The following NEGR1 variants were observed in gnomAD, a reference collection of about 807,000 sequenced individuals.
NEGR1 encodes IgLON family member 4.
A neutral mutation model predicts 40.9 loss-of-function variants in NEGR1; 10 were observed. The ratio of observed to expected loss-of-function variants is 0.24; its 90% CI spans 0.15 to 0.42. The LOEUF is 0.42. Ranked by LOEUF, NEGR1 falls within the 10% of genes least tolerant of loss-of-function variation. NEGR1 has a pLI of 1.00. For synonymous variants in NEGR1, 185 were observed against 166.8 expected (o/e 1.11, Z -0.84); for missense variants, 352 against 438.9 (o/e 0.80, Z 1.77).
intron 1 of NEGR1, among the ~76,000 whole-genome samples, chr1:71,957,828 C>A (rs936429905): frequency 1.3e-5 from 2 of 152,218 alleles, no homozygotes; most frequent in African/African-American, 2.4e-5. Context: ...GAATTAATGA[C>A]ATTTTATAAT....
At chr1:72,264,480 G>A (rs759354167) in intron 1 of NEGR1, among the ~76,000 whole-genome samples, 92 of 150,326 alleles carry the variant, frequency 6.1e-4, no homozygotes, top group Non-Finnish European at 8.5e-4. Flanking sequence ...TTATTTAGTC[G>A]CATTAAATAG....
At chr1:71,938,377 T>C (rs897004845) in intron 1 of NEGR1, among the ~76,000 whole-genome samples, 3 of 146,858 alleles carry the variant, frequency 2.0e-5, no homozygotes, top group East Asian at 4.1e-4. Context: ...CATACACACA[T>C]ACACACACAC....
chr1:71,846,960 C>T (rs652213), intron 2 of NEGR1, among the ~76,000 whole-genome samples: 68,877 of 151,974 alleles, frequency 0.45, 15,773 homozygotes, highest in East Asian at 0.62. Context: ...AATTTTCAGA[C>T]CATAGCACAT....
At chr1:71,980,977 A>G (rs1232060079) in intron 1 of NEGR1, among the ~76,000 whole-genome samples, 1 of 152,096 alleles carries the variant, frequency 6.6e-6, no homozygotes, top group Non-Finnish European at 1.5e-5. Flanking sequence ...TCTGAAATCC[A>G]GTTATGTTTC....
intron 1 of NEGR1, among the ~76,000 whole-genome samples, chr1:72,235,541 G>A (rs1053371359): frequency 6.6e-6 from 1 of 151,922 alleles, no homozygotes; most frequent in Non-Finnish European, 1.5e-5. Flanking sequence ...TAAACAATGT[G>A]TAAAACAATT....
intron 4 of NEGR1, among the ~76,000 whole-genome samples, chr1:71,613,350 A>C (rs1273427338): frequency 2.6e-5 from 4 of 152,198 alleles, no homozygotes; most frequent in Non-Finnish European, 5.9e-5. Context: ...CAGTAAATAG[A>C]AGAATTTTGG....
intron 1 of NEGR1, among the ~76,000 whole-genome samples, chr1:72,083,283 T>G (rs1454499291): frequency 6.6e-6 from 1 of 151,900 alleles, no homozygotes; most frequent in Non-Finnish European, 1.5e-5. Context: ...CTTCCCTCCC[T>G]CCCTCGCTCA....
At chr1:72,087,110 T>C (rs1393562750) in intron 1 of NEGR1, among the ~76,000 whole-genome samples, 2 of 152,098 alleles carry the variant, frequency 1.3e-5, no homozygotes, top group Admixed American at 1.3e-4. Context: ...ATTCTATAAC[T>C]CTACAATTAC....
At chr1:71,828,038 G>C (rs1292214483) in intron 2 of NEGR1, among the ~76,000 whole-genome samples, 1 of 151,876 alleles carries the variant, frequency 6.6e-6, no homozygotes, top group Non-Finnish European at 1.5e-5. Flanking sequence ...AGCAGCATTT[G>C]CTTTTAAAGC....
At chr1:71,579,911 T>C (rs1011521011) in intron 6 of NEGR1, among the ~76,000 whole-genome samples, 14 of 152,170 alleles carry the variant, frequency 9.2e-5, no homozygotes, top group Admixed American at 2.0e-4. Flanking sequence ...AAATCTACTG[T>C]GGAGTGGGAA....
rs35656894 is a variant in NEGR1, at chr1:72,149,500, A to G, written c.176+132819T>C. Among the ~76,000 whole-genome samples, 738 of 152,312 alleles carry G rather than the reference A, an allele frequency of 4.8e-3. 1 individual carries two copies. Among genetic ancestry groups the G allele is most frequent in the Non-Finnish European group, 9.0e-3 (614 of 68,028 alleles). On this transcript the variant is annotated intron_variant, in intron 1 of 6. Coordinates refer to ENST00000357731, the MANE Select transcript of NEGR1 (RefSeq NM_173808.3). ...ATTATACACTAAATTTAAAATAGAC[A>G]TTGAGATATAGTCTATTTTAACACA...
At chr1:71,980,692 C>T (rs1052274482) in intron 1 of NEGR1, among the ~76,000 whole-genome samples, 1 of 152,092 alleles carries the variant, frequency 6.6e-6, no homozygotes, top group Non-Finnish European at 1.5e-5. Context: ...AAGGCTCAAC[C>T]TCAGTATCAC....
intron 1 of NEGR1, among the ~76,000 whole-genome samples, chr1:72,064,108 CA>C (rs1428729748): frequency 1.3e-5 from 2 of 151,716 alleles, no homozygotes; most frequent in Non-Finnish European, 2.9e-5. Context: ...TTGTTTTACT[CA>C]GAATCATACT....
chr1:72,207,673 G>T (rs555426329), intron 1 of NEGR1, among the ~76,000 whole-genome samples: 3 of 151,668 alleles, frequency 2.0e-5, no homozygotes, highest in Non-Finnish European at 3.0e-5. Context: ...AAAGTTGTTT[G>T]TTGGAAAAAC....
intron 1 of NEGR1, among the ~76,000 whole-genome samples, chr1:72,072,567 G>C (rs1647513779): frequency 6.6e-6 from 1 of 151,958 alleles, no homozygotes; most frequent in Admixed American, 6.6e-5. Context: ...CAAAATCCTA[G>C]AGAAATAAAA....
chr1:71,853,483 G>C (rs1043976867), intron 2 of NEGR1, among the ~76,000 whole-genome samples: 7 of 151,952 alleles, frequency 4.6e-5, no homozygotes, highest in African/African-American at 1.4e-4. Flanking sequence ...ATTGTGTCCA[G>C]TATAATTGAG....
intron 2 of NEGR1, among the ~76,000 whole-genome samples, chr1:71,848,977 C>T (rs1372955407): frequency 1.3e-5 from 2 of 151,956 alleles, no homozygotes; most frequent in Non-Finnish European, 2.9e-5. Flanking sequence ...ATAATCCCAG[C>T]TACGCAGGCG....
At chr1:71,628,666 T>C (rs1036197334) in intron 4 of NEGR1, among the ~76,000 whole-genome samples, 4 of 152,036 alleles carry the variant, frequency 2.6e-5, no homozygotes, top group African/African-American at 9.7e-5. Flanking sequence ...CATGTGGTGT[T>C]AGGTTTTCTG....
chr1:71,594,316 T>C (rs1314307275), intron 5 of NEGR1, among the ~76,000 whole-genome samples: 1 of 152,166 alleles, frequency 6.6e-6, no homozygotes, highest in Non-Finnish European at 1.5e-5. Context: ...GTGTTCAAGT[T>C]TTTGTATTTT....
Sources: gnomAD v4.1 joint callset for allele counts (sites outside exome capture counted in the v4.1 genomes callset) on GRCh38, gnomAD v4.1.1 for gene constraint, MANE v1.5 for transcripts, NCBI Gene and HGNC (gene_info 2026-07-23, HGNC 2026-07-21) for gene names.